STK33: variants seen among roughly 807,000 people sequenced by gnomAD.
STK33 encodes serine/threonine kinase 33.
STK33 carries 52 observed loss-of-function variants against 58.0 expected under a neutral mutation model. The observed-to-expected ratio is 0.90, with a 90% CI of 0.72 to 1.13. The LOEUF is 1.13. Ranked by LOEUF, STK33 falls within the 50% of genes most tolerant of loss-of-function variation. STK33 has a pLI of 0.00. For missense variants in STK33, 630 were observed against 604.2 expected (o/e 1.04, Z -0.45); for synonymous variants, 215 against 200.1 (o/e 1.07, Z -0.63).
chr11:8,571,340 T>C (rs560425962), intron 1 of STK33, among the ~76,000 whole-genome samples: 9 of 152,204 alleles, frequency 5.9e-5, no homozygotes, highest in Admixed American at 2.6e-4. Flanking sequence ...ATTCCACTTA[T>C]ATGAAATATC....
chr11:8,494,520 C>A (rs548785181), intron 1 of STK33, among the ~76,000 whole-genome samples: 1 of 152,270 alleles, frequency 6.6e-6, no homozygotes, highest in South Asian at 2.1e-4. Flanking sequence ...CCATACTGCC[C>A]AAGGTAATTT....
chr11:8,420,416 G>C (rs1378909338), intron 14 of STK33, among the ~76,000 whole-genome samples: 1 of 152,116 alleles, frequency 6.6e-6, no homozygotes. Flanking sequence ...AAAACGGTTT[G>C]AGAAATTAAT....
intron 1 of STK33, among the ~76,000 whole-genome samples, chr11:8,517,423 C>T (rs1952902947): frequency 6.6e-6 from 1 of 152,208 alleles, no homozygotes; most frequent in South Asian, 2.1e-4. Context: ...AATCAGAGTG[C>T]CTCTTCTCCT....
At chr11:8,478,943 C>T (rs1189003043) in intron 2 of STK33, among the ~76,000 whole-genome samples, 2 of 152,118 alleles carry the variant, frequency 1.3e-5, no homozygotes, top group East Asian at 3.8e-4. Flanking sequence ...TCTGTATTGT[C>T]TTATAAAAGG....
At chr11:8,527,654 G>A (rs1954167119) in intron 1 of STK33, among the ~76,000 whole-genome samples, 2 of 152,164 alleles carry the variant, frequency 1.3e-5, no homozygotes, top group African/African-American at 4.8e-5. Flanking sequence ...ATAGTAAACA[G>A]ATGGTGGCTC....
chr11:8,473,114 T>C, intron 6 of STK33, 49 bp downstream of exon 6: 2 of 1,229,012 alleles, frequency 1.6e-6, no homozygotes. Context: ...AACCATTGAC[T>C]TAGAAGAAAC....
chr11:8,533,612 A>G (rs1043430483), intron 1 of STK33: 2 of 152,250 alleles, frequency 1.3e-5, no homozygotes, highest in Non-Finnish European at 2.9e-5. Context: ...AATATTTAAG[A>G]AAGGAAAGAG....
At chr11:8,514,129 T>C (rs1457751604) in intron 1 of STK33, among the ~76,000 whole-genome samples, 1 of 152,222 alleles carries the variant, frequency 6.6e-6, no homozygotes, top group Non-Finnish European at 1.5e-5. Context: ...TCTAACTATG[T>C]TGTTGCAAAT....
chr11:8,458,628 T>C (rs1947160961), intron 8 of STK33, among the ~76,000 whole-genome samples: 1 of 152,108 alleles, frequency 6.6e-6, no homozygotes, highest in Non-Finnish European at 1.5e-5. Context: ...GAAATGCCTC[T>C]TCCATATTTG....
intron 15 of STK33, among the ~76,000 whole-genome samples, chr11:8,395,158 G>A (rs555917113): frequency 4.7e-4 from 71 of 152,254 alleles, no homozygotes; most frequent in Admixed American, 1.0e-3. Context: ...TCATTGATGC[G>A]GTTTGGCTGT....
chr11:8,523,421 G>A (rs933765577), intron 1 of STK33, among the ~76,000 whole-genome samples: 1 of 152,006 alleles, frequency 6.6e-6, no homozygotes, highest in Admixed American at 6.5e-5. Flanking sequence ...CGTCTGGGAG[G>A]TGAGGAGCGT....
chr11:8,475,469 A>G (rs1949181358), intron 4 of STK33: 1 of 152,194 alleles, frequency 6.6e-6, no homozygotes, highest in Admixed American at 6.5e-5. Flanking sequence ...TTGGTGTTAA[A>G]CATACATTAC....
chr11:8,422,988 G>T (rs1002096224), intron 14 of STK33, among the ~76,000 whole-genome samples: 3 of 150,118 alleles, frequency 2.0e-5, no homozygotes, highest in Admixed American at 2.0e-4. Context: ...AGCCGGGCAT[G>T]GGCCACCATG....
chr11:8,580,322 G>A (rs1270786408), intron 1 of STK33, among the ~76,000 whole-genome samples: 2 of 152,118 alleles, frequency 1.3e-5, no homozygotes, highest in African/African-American at 4.8e-5. Flanking sequence ...GCAACAACAT[G>A]GATGGAACTG....
rs1241547574 is a variant in STK33 at position 8,553,181 on chromosome 11, T to TC, written c.-466+40901_-466+40902insG. On this transcript the variant is annotated intron_variant, in intron 1 of 15. Transcript: ENST00000687296. ...TCCAAAAATAAAATATATATATATA[T>TC]ATATATATATATATATGGTGTATAT... 6.6e-5 allele frequency among the ~76,000 whole-genome samples: 5 copies of TC among 75,724 alleles called. No homozygotes were observed. In the South Asian group the frequency reaches 1.8e-3, roughly 27 times the overall value. The allele number at this position is 75,724 out of a possible 152,430, so 49.7% of individuals were successfully genotyped here.
chr11:8,518,991 C>G (rs1221756203), intron 1 of STK33, among the ~76,000 whole-genome samples: 4 of 152,148 alleles, frequency 2.6e-5, no homozygotes, highest in Non-Finnish European at 4.4e-5. Flanking sequence ...CCAAGCGGAC[C>G]TAATAGACAT....
At chr11:8,387,935 G>A (rs1848566885), downstream of STK33, among the ~76,000 whole-genome samples, 1 of 152,184 alleles carries the variant, frequency 6.6e-6, no homozygotes, top group Admixed American at 6.5e-5. Context: ...CCTACAGGGA[G>A]GTTTTGGTCC....
chr11:8,561,997 TA>T (rs1440699687), intron 1 of STK33, among the ~76,000 whole-genome samples: 1 of 152,196 alleles, frequency 6.6e-6, no homozygotes, highest in Admixed American at 6.6e-5. Flanking sequence ...CCAACAGCTA[TA>T]AAGCCTCACA....
rs189732179 is a variant in STK33 at position 8,473,640 on chromosome 11, G to A, written c.226-364C>T. ...ACAACCATTATCAAACAGCTTATAA[G>A]TAAATTATTGGCCACTCAAAAATAT... is the stretch of plus-strand genomic sequence containing the variant. On this transcript the variant is annotated intron_variant, in intron 5 of 15. Coordinates refer to ENST00000687296, the MANE Select transcript of STK33 (RefSeq NM_001352389.2). Among the ~76,000 whole-genome samples, 18 of 152,198 alleles carry A rather than the reference G, an allele frequency of 1.2e-4. No homozygotes were observed. In the East Asian group the frequency reaches 1.9e-3, roughly 16 times the overall value.
Sources: allele counts gnomAD v4.1 joint callset (sites outside exome capture counted in the v4.1 genomes callset), GRCh38; gene constraint gnomAD v4.1.1; transcripts MANE v1.5; gene names NCBI Gene and HGNC (gene_info 2026-07-23, HGNC 2026-07-21).